CADM2: variants seen among roughly 807,000 people sequenced by gnomAD.
CADM2 encodes immunoglobulin superfamily member 4D.
Under a neutral mutation model 49.8 loss-of-function variants are expected in CADM2, and 12 were observed. The observed-to-expected ratio is 0.24, with a 90% CI of 0.15 to 0.39. The LOEUF is 0.39. CADM2 is among the 10% of genes least tolerant of loss of function. The pLI is 1.00. For synonymous variants in CADM2, 214 were observed against 175.4 expected, an observed-to-expected ratio of 1.22 and a Z score of -1.74; for missense variants, 378 against 492.3, an observed-to-expected ratio of 0.77 and a Z score of 2.20.
chr3:85,861,258 A>G (rs2075522195), intron 3 of CADM2, among the ~76,000 whole-genome samples: 3 of 152,188 alleles, frequency 2.0e-5, no homozygotes, highest in African/African-American at 7.2e-5. Context: ...GTAGTGAGAA[A>G]TGCTTTTCAG....
At chr3:85,945,896 C>T (rs1722623143) in intron 7 of CADM2, among the ~76,000 whole-genome samples, 1 of 152,066 alleles carries the variant, frequency 6.6e-6, no homozygotes, top group Non-Finnish European at 1.5e-5. Context: ...TCTCACCACT[C>T]CTATTCAACA....
chr3:85,904,335 G>GA (rs1313280705), intron 5 of CADM2, among the ~76,000 whole-genome samples: 5 of 152,132 alleles, frequency 3.3e-5, no homozygotes, highest in African/African-American at 9.7e-5. Flanking sequence ...ACACCACCTG[G>GA]AATTTTGACT....
intron 4 of CADM2, among the ~76,000 whole-genome samples, chr3:85,885,677 T>A (rs1713517749): frequency 1.2e-5 from 1 of 85,360 alleles, no homozygotes; most frequent in Non-Finnish European, 2.2e-5. Context: ...CAAGACTCTA[T>A]CTCAAAAAAA....
At chr3:85,288,078 C>A (rs1383498393) in intron 1 of CADM2, among the ~76,000 whole-genome samples, 1 of 151,634 alleles carries the variant, frequency 6.6e-6, no homozygotes, top group African/African-American at 2.4e-5. Context: ...CACATATACC[C>A]TAAAACTTAA....
chr3:85,874,285 C>T (rs1411648489), intron 3 of CADM2, among the ~76,000 whole-genome samples: 1 of 152,112 alleles, frequency 6.6e-6, no homozygotes, highest in East Asian at 1.9e-4. Context: ...GTCATTTTCC[C>T]TTCCTGTGTT....
chr3:85,907,556 C>T (rs1389083739), intron 5 of CADM2, among the ~76,000 whole-genome samples: 2 of 152,142 alleles, frequency 1.3e-5, no homozygotes, highest in Non-Finnish European at 2.9e-5. Context: ...CTGGCCTACT[C>T]TAGGCAGATG....
chr3:85,276,059 T>G (rs2043349506), intron 1 of CADM2, among the ~76,000 whole-genome samples: 1 of 151,394 alleles, frequency 6.6e-6, no homozygotes, highest in Admixed American at 6.6e-5. Flanking sequence ...TCAAGATGCT[T>G]ATTATGAAAT....
At chr3:85,231,764 G>A (rs2042294883) in intron 1 of CADM2, among the ~76,000 whole-genome samples, 2 of 149,248 alleles carry the variant, frequency 1.3e-5, no homozygotes, top group East Asian at 2.0e-4. Flanking sequence ...CTGGGCTAGA[G>A]TGTAATGGTG....
At chr3:85,708,397 C>A (rs1219352311) in intron 1 of CADM2, among the ~76,000 whole-genome samples, 1 of 151,928 alleles carries the variant, frequency 6.6e-6, no homozygotes, top group East Asian at 1.9e-4. Context: ...AACAATAAAA[C>A]CCACTGTAAC....
intron 1 of CADM2, among the ~76,000 whole-genome samples, chr3:85,048,253 TAAA>T (rs1282034622): frequency 6.6e-6 from 1 of 152,188 alleles, no homozygotes; most frequent in Non-Finnish European, 1.5e-5. Flanking sequence ...GACATTGTCT[TAAA>T]GAATCAATAA....
intron 8 of CADM2, among the ~76,000 whole-genome samples, chr3:86,032,416 C>A (rs1241017654): frequency 2.6e-5 from 4 of 151,756 alleles, no homozygotes; most frequent in Non-Finnish European, 4.4e-5. Context: ...ATAAAGGGTT[C>A]TTTTGTGTCT....
At chr3:85,239,557 A>C (rs1365277623) in intron 1 of CADM2, among the ~76,000 whole-genome samples, 1 of 151,698 alleles carries the variant, frequency 6.6e-6, no homozygotes, top group Non-Finnish European at 1.5e-5. Flanking sequence ...CATCAAATGC[A>C]GAAACTTAAA....
At position 85,570,145 on chromosome 3, in the gene CADM2, T is replaced by C. The variant is rs1163803720; in HGVS notation, c.62-156377T>C. 7.2e-5 allele frequency among the ~76,000 whole-genome samples: 11 copies of C among 152,190 alleles called. No individual in the cohort carries two copies. The East Asian group carries it at 1.2e-3, about 16-fold the overall frequency. On this transcript the variant is annotated intron_variant, in intron 1 of 9. Transcript: ENST00000383699. Reference sequence around the variant, plus strand: ...ATTATCCTTATCCTAAGGATAGTCATTGGAAAAATAGAAACATTTCCTGAT... The same window carrying C: ...ATTATCCTTATCCTAAGGATAGTCACTGGAAAAATAGAAACATTTCCTGAT...
chr3:86,049,220 T>C (rs1418424540), intron 8 of CADM2, among the ~76,000 whole-genome samples: 30 of 152,064 alleles, frequency 2.0e-4, no homozygotes, highest in Non-Finnish European at 4.4e-5. Flanking sequence ...ATTCTCACAT[T>C]GCTATACAGA....
chr3:85,125,949 T>C (rs2039020058), intron 1 of CADM2, among the ~76,000 whole-genome samples: 3 of 152,244 alleles, frequency 2.0e-5, no homozygotes, highest in South Asian at 2.1e-4. Flanking sequence ...GATAATTATA[T>C]AATGTTCATT....
intron 1 of CADM2, among the ~76,000 whole-genome samples, chr3:85,191,046 T>G (rs1012997194): frequency 2.6e-5 from 4 of 152,108 alleles, no homozygotes; most frequent in African/African-American, 9.7e-5. Context: ...TGCTTTGTAA[T>G]TAGCATAGAT....
chr3:85,704,890 G>C (rs1037577227), intron 1 of CADM2, among the ~76,000 whole-genome samples: 1 of 147,176 alleles, frequency 6.8e-6, no homozygotes, highest in East Asian at 2.0e-4. Flanking sequence ...ATGGAGTCTC[G>C]CTCTGTCGTC....
At chr3:85,958,824 C>T (rs1002003078) in intron 7 of CADM2, among the ~76,000 whole-genome samples, 9 of 151,974 alleles carry the variant, frequency 5.9e-5, no homozygotes, top group African/African-American at 1.9e-4. Flanking sequence ...TTCATGTTCT[C>T]ACTCATAAGT....
At chr3:85,607,246 A>C (rs1346108258) in intron 1 of CADM2, among the ~76,000 whole-genome samples, 1 of 152,188 alleles carries the variant, frequency 6.6e-6, no homozygotes, top group Admixed American at 6.6e-5. Context: ...GCAAGAATAC[A>C]ACTCTAATTT....
Sources: gnomAD v4.1 joint callset for allele counts (sites outside exome capture counted in the v4.1 genomes callset) on GRCh38, gnomAD v4.1.1 for gene constraint, MANE v1.5 for transcripts, NCBI Gene and HGNC (gene_info 2026-07-23, HGNC 2026-07-21) for gene names.